Variants in DOCK8 observed in about 807,000 individuals in gnomAD.
The protein encoded by DOCK8 is dedicator of cytokinesis protein 8.
DOCK8 carries 141 observed loss-of-function variants against 245.6 expected under a neutral mutation model. The ratio of observed to expected loss-of-function variants is 0.57; its 90% CI spans 0.50 to 0.66. The LOEUF is 0.66. DOCK8 is among the 30% of genes least tolerant of loss of function. The pLI, the probability that DOCK8 is intolerant of heterozygous loss-of-function variation, is 0.00. For synonymous variants in DOCK8, 1,168 were observed against 970.2 expected (o/e 1.20, Z -3.79); for missense variants, 2,965 against 2,603.4 (o/e 1.14, Z -3.02).
chr9:319,784 GAAAAA>G (rs533073287), intron 7 of DOCK8, among the ~76,000 whole-genome samples: 1 of 134,540 alleles, frequency 7.4e-6, no homozygotes, highest in Non-Finnish European at 1.6e-5. Context: ...GTTTGTAACA[GAAAAA>G]AAAAAAAAGA....
intron 22 of DOCK8, among the ~76,000 whole-genome samples, chr9:384,676 G>A (rs577127134): frequency 2.0e-5 from 3 of 152,314 alleles, no homozygotes; most frequent in South Asian, 2.1e-4. Context: ...CAGCACTTTC[G>A]GAGGCTGAGG....
At chr9:390,870 C>G (rs1263132366) in intron 24 of DOCK8, among the ~76,000 whole-genome samples, 1 of 152,312 alleles carries the variant, frequency 6.6e-6, no homozygotes, top group East Asian at 1.9e-4. Context: ...CATTTTTGCT[C>G]TTGGCCCACC....
At chr9:268,797 A>G (rs1480822379) in intron 1 of DOCK8, among the ~76,000 whole-genome samples, 1 of 152,224 alleles carries the variant, frequency 6.6e-6, no homozygotes, top group Non-Finnish European at 1.5e-5. Flanking sequence ...AAGTAAGCAA[A>G]TAAATGATTG....
chr9:309,362 G>A (rs952947144), intron 5 of DOCK8, among the ~76,000 whole-genome samples: 10 of 152,216 alleles, frequency 6.6e-5, no homozygotes, highest in African/African-American at 2.4e-4. Flanking sequence ...TAGTACTTTT[G>A]TGAGGTAGAT....
intron 14 of DOCK8, among the ~76,000 whole-genome samples, chr9:362,807 T>G (rs937575315): frequency 4.6e-5 from 7 of 152,254 alleles, no homozygotes; most frequent in Non-Finnish European, 7.3e-5. Flanking sequence ...TCTGTTCGTT[T>G]CCTTGCACCA....
At chr9:416,562 A>G (rs568247205) in intron 29 of DOCK8, among the ~76,000 whole-genome samples, 1 of 152,352 alleles carries the variant, frequency 6.6e-6, no homozygotes, top group Non-Finnish European at 1.5e-5. Context: ...AGTGAAAAGT[A>G]TTTTATTGTT....
chr9:329,479 T>G (rs781446717), intron 9 of DOCK8, among the ~76,000 whole-genome samples: 33 of 152,198 alleles, frequency 2.2e-4, no homozygotes, highest in South Asian at 4.1e-4. Context: ...TAACAAAGAT[T>G]ATGAGAGGTT....
rs999001382 is a variant in DOCK8 at position 401,279 on chromosome 9, A to G, written c.3234+2020A>G. Among the ~76,000 whole-genome samples the G allele has an allele frequency of 8.5e-5, 13 of 152,356 alleles. No homozygotes were observed. The South Asian group carries it at 2.7e-3, about 32-fold the overall frequency. On this transcript the variant is annotated intron_variant, in intron 26 of 47. Coordinates refer to ENST00000432829, the MANE Select transcript of DOCK8 (RefSeq NM_203447.4). ...TAAAAAGCAGTGACATACAAGCTTCATTGAGCAGCACTTGGACAGGGTTAC... is the reference window on the plus strand; with the variant it reads ...TAAAAAGCAGTGACATACAAGCTTCGTTGAGCAGCACTTGGACAGGGTTAC...
intron 46 of DOCK8, among the ~76,000 whole-genome samples, chr9:462,292 G>A (rs1006184430): frequency 2.6e-5 from 4 of 152,102 alleles, no homozygotes; most frequent in Admixed American, 2.0e-4. Flanking sequence ...TTCTCACCTT[G>A]AAGCACATAC....
At chr9:386,560 C>G in intron 23 of DOCK8, 134 bp downstream of exon 23, 3 of 737,532 alleles carry the variant, frequency 4.1e-6, no homozygotes, top group East Asian at 5.7e-5. Context: ...ACACACCCCA[C>G]ACACACTTTT....
intron 14 of DOCK8, among the ~76,000 whole-genome samples, chr9:360,874 T>G (rs2052695670): frequency 6.6e-6 from 1 of 152,142 alleles, no homozygotes; most frequent in African/African-American, 2.4e-5. Flanking sequence ...AAAAAGAGCA[T>G]TTCAGCTGGT....
rs112373444 is a variant in DOCK8, at chr9:317,025, C to T, written c.742-18C>T. 25 of 1,594,180 alleles carry T rather than the reference C, an allele frequency of 1.6e-5. No individual in the cohort carries two copies. Among genetic ancestry groups the T allele is most frequent in the African/African-American group, 9.4e-5 (7 of 74,558 alleles). On this transcript the variant is annotated intron_variant, in intron 6 of 47. Transcript: ENST00000432829. ...ACAGAATTCACTAATGATTTCCTTA[C>T]GATGTGATTAAAAATAGGAGGATGC...
At chr9:425,472 C>T (rs1406909732) in intron 33 of DOCK8, among the ~76,000 whole-genome samples, 6 of 141,008 alleles carry the variant, frequency 4.3e-5, no homozygotes, top group Non-Finnish European at 7.5e-5. Context: ...GTGGAGCTTG[C>T]GGTGAGCCAA....
chr9:269,336 C>G (rs557446395), intron 1 of DOCK8, among the ~76,000 whole-genome samples: 123 of 151,806 alleles, frequency 8.1e-4, no homozygotes, highest in African/African-American at 2.9e-3. Context: ...GCTTATTTCA[C>G]TTAGGATAAT....
intron 1 of DOCK8, among the ~76,000 whole-genome samples, chr9:269,578 C>T (rs1281697663): frequency 3.6e-5 from 4 of 111,518 alleles, no homozygotes; most frequent in East Asian, 2.8e-4. Context: ...TTTTTTGCAA[C>T]AGAGTCTTGC....
At chr9:313,013 C>G (rs533838449) in intron 6 of DOCK8, 2 of 152,910 alleles carry the variant, frequency 1.3e-5, no homozygotes, top group South Asian at 2.1e-4. Flanking sequence ...GAAATTCGAT[C>G]CTTGGATTAA....
intron 1 of DOCK8, among the ~76,000 whole-genome samples, chr9:219,059 C>T (rs1020225374): frequency 1.3e-5 from 2 of 152,192 alleles, no homozygotes; most frequent in Non-Finnish European, 2.9e-5. Flanking sequence ...ATCATTATAC[C>T]ATGCTGCCAT....
rs2057154412 is a variant in DOCK8 at position 443,450 on chromosome 9, T to G, written c.5514T>G (p.Gly1838=). 3.1e-6 allele frequency: 5 copies of G among 1,614,120 alleles called. No homozygotes were observed. The highest frequency in any genetic ancestry group is 3.4e-6 in the Non-Finnish European group (4 of 1,180,008). ...AGGCATTTTATGGTCAATGTTTTGG[T>G]GCAGAATTTGTGGAAGTGATTAAAG... is the stretch of plus-strand genomic sequence containing the variant. ...RLEAFYGQCF[G]AEFVEVIKDS... Residue 1838 remains glycine (G), a synonymous_variant, in exon 43 of 48, where the codon GGT becomes GGG. Coordinates refer to ENST00000432829, the MANE Select transcript of DOCK8 (RefSeq NM_203447.4).
At chr9:216,422 G>C (rs1187045687) in intron 1 of DOCK8, among the ~76,000 whole-genome samples, 1 of 150,732 alleles carries the variant, frequency 6.6e-6, no homozygotes, top group East Asian at 2.0e-4. Context: ...TGTAGCCCCA[G>C]CTATTCAAGA....
Sources: allele counts gnomAD v4.1 joint callset (sites outside exome capture counted in the v4.1 genomes callset), GRCh38; gene constraint gnomAD v4.1.1; transcripts MANE v1.5; gene names NCBI Gene and HGNC (gene_info 2026-07-23, HGNC 2026-07-21).